Variants in PRIM2 observed in about 807,000 individuals in gnomAD.
PRIM2 encodes DNA primase large subunit.
PRIM2 carries 39 observed loss-of-function variants against 67.3 expected under a neutral mutation model. That is an observed-to-expected ratio of 0.58 (90% CI 0.45 to 0.76). The LOEUF (loss-of-function observed/expected upper bound fraction) is 0.76. PRIM2 is among the 30% of genes least tolerant of loss of function. PRIM2 has a pLI of 0.00. For synonymous variants in PRIM2, 143 were observed against 198.7 expected (o/e 0.72, Z 2.36); for missense variants, 398 against 598.7 (o/e 0.66, Z 3.50).
intron 10 of PRIM2, among the ~76,000 whole-genome samples, chr6:57,561,150 C>T (rs1428205392): frequency 1.3e-4 from 20 of 152,262 alleles, no homozygotes; most frequent in African/African-American, 2.2e-4. Flanking sequence ...CAGCTCTTGC[C>T]GCTTCACCTT....
At chr6:57,256,631 T>TACAC in the PRIM2 span, among the ~76,000 whole-genome samples, 1,378 of 141,008 alleles carry the variant, frequency 9.8e-3, 30 homozygotes, top group Admixed American at 0.056. Flanking sequence ...CTCTTTCTCT[T>TACAC]ACACACACAC....
chr6:57,487,569 C>T (rs1270452897), intron 7 of PRIM2, among the ~76,000 whole-genome samples: 2 of 152,176 alleles, frequency 1.3e-5, no homozygotes, highest in South Asian at 2.1e-4. Flanking sequence ...TTTTATGGTA[C>T]TACAAGCACT....
chr6:57,372,112 A>G (rs9475898), intron 5 of PRIM2, among the ~76,000 whole-genome samples: 5,944 of 152,306 alleles, frequency 0.039, 384 homozygotes, highest in African/African-American at 0.14. Flanking sequence ...ATTTTTACTT[A>G]TAAAACTTCT....
intron 10 of PRIM2, among the ~76,000 whole-genome samples, chr6:57,589,552 C>T (rs1278798310): frequency 6.6e-6 from 1 of 152,140 alleles, no homozygotes; most frequent in Non-Finnish European, 1.5e-5. Context: ...GAAAGAGCCT[C>T]AGTAGTTTGA....
At chr6:57,278,802 A>C in the PRIM2 span, among the ~76,000 whole-genome samples, 1 of 152,104 alleles carries the variant, frequency 6.6e-6, no homozygotes, top group Non-Finnish European at 1.5e-5. Flanking sequence ...TGGGGAGGTA[A>C]AAGAGAGTAT....
At chr6:57,481,629 A>G (rs1773632296) in intron 7 of PRIM2, among the ~76,000 whole-genome samples, 1 of 152,002 alleles carries the variant, frequency 6.6e-6, no homozygotes, top group South Asian at 2.1e-4. Context: ...AAGAGTATAA[A>G]TGTTGGGTCA....
At chr6:57,534,260 T>C (rs1198076927) in intron 9 of PRIM2, among the ~76,000 whole-genome samples, 59,215 of 151,802 alleles carry the variant, frequency 0.39, 11,800 homozygotes, top group East Asian at 0.65. Flanking sequence ...TTAAAGCCCT[T>C]GTGATCTTAT....
At chr6:57,471,599 A>G (rs1773338978) in intron 7 of PRIM2, among the ~76,000 whole-genome samples, 1 of 152,200 alleles carries the variant, frequency 6.6e-6, no homozygotes, top group African/African-American at 2.4e-5. Flanking sequence ...TGTTAGCTAC[A>G]TGGTCTGTTT....
rs541693870 is a variant in PRIM2 at position 57,363,392 on chromosome 6, G to A, written c.460-16509G>A. On this transcript the variant is annotated intron_variant, in intron 5 of 13. Transcript: ENST00000615550. ...ATTAAATGTTCATCTTTCCATACATGTCTGTCTTCATGTTGCATTAGTTTC... is the reference window on the plus strand; with the variant it reads ...ATTAAATGTTCATCTTTCCATACATATCTGTCTTCATGTTGCATTAGTTTC... Among the ~76,000 whole-genome samples, 766 of 152,228 alleles carry A rather than the reference G, an allele frequency of 5.0e-3. 6 individuals are homozygous for A. The highest frequency in any genetic ancestry group is 0.018 in the African/African-American group (739 of 41,552).
At position 57,596,663 on chromosome 6, in the gene PRIM2, C is replaced by T. The variant is rs1475331129; in HGVS notation, c.1021-4430C>T. Among the ~76,000 whole-genome samples, 175 of 138,602 alleles carry T rather than the reference C, an allele frequency of 1.3e-3. 1 individual carries two copies. Among genetic ancestry groups the T allele is most frequent in the African/African-American group, 4.3e-3 (165 of 38,712 alleles). The allele number at this position is 138,602 out of a possible 152,430, so 90.9% of individuals were successfully genotyped here. A position where few individuals can be genotyped will look rare whatever the true frequency, so the allele number is the denominator to read the frequency against. On this transcript the variant is annotated intron_variant, in intron 10 of 13. Transcript: ENST00000615550. ...TTAAAAAATCTCACACAAAAAATAG[C>T]AAGGTATTTTCCTATCTCTTATTCT...
chr6:57,615,661 C>T (rs1196916390), intron 12 of PRIM2, among the ~76,000 whole-genome samples: 11 of 151,834 alleles, frequency 7.2e-5, no homozygotes, highest in South Asian at 2.1e-4. Context: ...TTTGGAAGGC[C>T]GAGGTGAGAG....
chr6:57,240,920 C>T, the PRIM2 span, among the ~76,000 whole-genome samples: 4 of 152,000 alleles, frequency 2.6e-5, no homozygotes, highest in African/African-American at 9.6e-5. Context: ...AAGACCTCAT[C>T]TCTACTAAAA....
At chr6:57,631,046 A>G (rs1389346011) in intron 12 of PRIM2, among the ~76,000 whole-genome samples, 2 of 152,330 alleles carry the variant, frequency 1.3e-5, no homozygotes, top group African/African-American at 4.8e-5. Flanking sequence ...TCAGAAATGT[A>G]ATCTATAAGA....
At chr6:57,408,160 C>T (rs1381161799) in intron 7 of PRIM2, among the ~76,000 whole-genome samples, 8 of 152,118 alleles carry the variant, frequency 5.3e-5, no homozygotes, top group African/African-American at 1.7e-4. Context: ...AGTGGAAGAA[C>T]ACCAGGGCTC....
chr6:57,272,473 T>G, the PRIM2 span, among the ~76,000 whole-genome samples: 28 of 152,248 alleles, frequency 1.8e-4, no homozygotes, highest in Non-Finnish European at 3.8e-4. Flanking sequence ...GTTTTCCATT[T>G]GCTTGGTAGA....
chr6:57,264,077 G>C, the PRIM2 span, among the ~76,000 whole-genome samples: 11 of 152,184 alleles, frequency 7.2e-5, no homozygotes, highest in Non-Finnish European at 1.6e-4. Flanking sequence ...GTTATAGCTT[G>C]CCTTGGGTGG....
At position 57,374,306 on chromosome 6, in the gene PRIM2, T is replaced by TA. The variant is rs1554331463; in HGVS notation, c.460-5595_460-5594insA. Among the ~76,000 whole-genome samples, 1,000 of 145,924 alleles carry TA rather than the reference T, an allele frequency of 6.9e-3. 11 individuals are homozygous for TA. The highest frequency in any genetic ancestry group is 0.023 in the African/African-American group (898 of 39,698). ...TTATTTATTTATTTATTTATTTATT[T>TA]TTTTTGAGACGGAGTTTCGCTCTGT... is the stretch of plus-strand genomic sequence containing the variant. On this transcript the variant is annotated intron_variant, in intron 5 of 13. Coordinates refer to ENST00000615550, the MANE Select transcript of PRIM2 (RefSeq NM_000947.5).
At chr6:57,515,374 A>G in intron 8 of PRIM2, among the ~76,000 whole-genome samples, 1 of 152,338 alleles carries the variant, frequency 6.6e-6, no homozygotes, top group East Asian at 1.9e-4. Context: ...TGCAACATAG[A>G]TGTTTTCCAG....
At chr6:57,225,722 G>A in the PRIM2 span, among the ~76,000 whole-genome samples, 35 of 152,272 alleles carry the variant, frequency 2.3e-4, no homozygotes, top group African/African-American at 8.2e-4. Flanking sequence ...TTGTAGCTGA[G>A]TAGAAAGAAA....
Sources: allele counts gnomAD v4.1 joint callset (sites outside exome capture counted in the v4.1 genomes callset), GRCh38; gene constraint gnomAD v4.1.1; transcripts MANE v1.5; gene names NCBI Gene and HGNC (gene_info 2026-07-23, HGNC 2026-07-21).